The following PKP4 variants were observed in gnomAD, a reference collection of about 807,000 sequenced individuals.
PKP4 encodes plakophilin 4.
PKP4 carries 90 observed loss-of-function variants against 145.1 expected under a neutral mutation model. That is an observed-to-expected ratio of 0.62 (90% CI 0.52 to 0.74). The LOEUF (loss-of-function observed/expected upper bound fraction) is 0.74, where lower values mean the gene tolerates loss of function less well. Among genes scored for constraint, PKP4 ranks in the 30% least tolerant of loss-of-function variants. The probability of loss-of-function intolerance (pLI) is 0.00; values close to 1 mark genes in which losing one functional copy is unlikely to be tolerated. For synonymous variants in PKP4, 563 were observed against 577.2 expected, an observed-to-expected ratio of 0.98 and a Z score of 0.35; for missense variants, 1,340 against 1,482.7, an observed-to-expected ratio of 0.90 and a Z score of 1.58.
intron 1 of PKP4, among the ~76,000 whole-genome samples, chr2:158,512,460 A>C (rs955127566): frequency 2.6e-5 from 4 of 152,226 alleles, no homozygotes; most frequent in Non-Finnish European, 5.9e-5. Context: ...GGCATGTGCA[A>C]CATTCTCAGC....
chr2:158,663,480 A>G (rs1277624208), intron 15 of PKP4, 35 bp downstream of exon 15: 30 of 1,562,310 alleles, frequency 1.9e-5, no homozygotes, highest in Non-Finnish European at 2.5e-5. Flanking sequence ...ACTTCTTTCC[A>G]TCTTTGCAAA....
intron 7 of PKP4, among the ~76,000 whole-genome samples, chr2:158,630,471 CAA>C (rs1312965731): frequency 1.3e-5 from 2 of 152,010 alleles, no homozygotes; most frequent in African/African-American, 4.8e-5. Context: ...AAAGGAAAAA[CAA>C]TGATAAATAG....
At chr2:158,624,674 C>CAAA (rs999943180) in intron 6 of PKP4, among the ~76,000 whole-genome samples, 5 of 81,208 alleles carry the variant, frequency 6.2e-5, no homozygotes, top group Admixed American at 1.3e-4. Context: ...TTTAAACCAC[C>CAAA]AAAAAAAAAA....
At chr2:158,660,185 T>G (rs1330039171) in intron 12 of PKP4, 1 of 152,480 alleles carries the variant, frequency 6.6e-6, no homozygotes, top group Non-Finnish European at 1.5e-5. Flanking sequence ...CAGCTCAGAG[T>G]TTTGACAATG....
intron 1 of PKP4, among the ~76,000 whole-genome samples, chr2:158,476,697 C>A (rs1449434705): frequency 6.7e-6 from 1 of 149,402 alleles, no homozygotes; most frequent in Non-Finnish European, 1.5e-5. Flanking sequence ...TTTAGGCGAT[C>A]TCACTTTTAA....
chr2:158,500,134 T>C (rs983998736), intron 1 of PKP4, among the ~76,000 whole-genome samples: 1 of 152,238 alleles, frequency 6.6e-6, no homozygotes, highest in African/African-American at 2.4e-5. Flanking sequence ...TAATCTTGCA[T>C]ATTTGTTTCT....
intron 4 of PKP4, among the ~76,000 whole-genome samples, chr2:158,620,382 G>T (rs2052096599): frequency 6.6e-6 from 1 of 152,130 alleles, no homozygotes; most frequent in Non-Finnish European, 1.5e-5. Flanking sequence ...TGGAAGAGAT[G>T]AGTTTGGCTG....
At chr2:158,470,222 T>A (rs1477440843) in intron 1 of PKP4, among the ~76,000 whole-genome samples, 1 of 152,192 alleles carries the variant, frequency 6.6e-6, no homozygotes, top group Admixed American at 6.5e-5. Context: ...AATACTTTGT[T>A]TACAACCTTA....
intron 1 of PKP4, among the ~76,000 whole-genome samples, chr2:158,528,877 C>G (rs1018270576): frequency 1.3e-5 from 2 of 152,120 alleles, no homozygotes; most frequent in African/African-American, 2.4e-5. Flanking sequence ...CAGGTCCTGG[C>G]TTTCAGGTGG....
intron 1 of PKP4, among the ~76,000 whole-genome samples, chr2:158,513,929 GTC>G (rs1428924447): frequency 6.6e-6 from 1 of 152,134 alleles, no homozygotes; most frequent in Admixed American, 6.5e-5. Context: ...TTTGTAGTAA[GTC>G]TCATCTTCCC....
chr2:158,658,636 G>T (rs190726744), intron 12 of PKP4: 2 of 214,786 alleles, frequency 9.3e-6, no homozygotes, highest in East Asian at 2.2e-4. Context: ...TAATGTGTTT[G>T]CAGCCTGCTG....
At chr2:158,610,871 G>A (rs1436957799) in intron 4 of PKP4, among the ~76,000 whole-genome samples, 2 of 152,146 alleles carry the variant, frequency 1.3e-5, no homozygotes, top group African/African-American at 4.8e-5. Flanking sequence ...GTCTTACAGG[G>A]CTGGAATGTG....
chr2:158,456,996 G>T lies in PKP4; in HGVS notation c.-228G>T. 1 of 151,174 alleles carries T rather than the reference G, an allele frequency of 6.6e-6. No individual in the cohort carries two copies. Among genetic ancestry groups the T allele is most frequent in the South Asian group, 1.9e-4 (1 of 5,164 alleles). 9.4% of individuals were successfully genotyped at this position (151,174 alleles called of 1,614,324 possible). On this transcript the variant is annotated 5_prime_UTR_variant, in exon 1 of 22. Coordinates refer to ENST00000389759, the MANE Select transcript of PKP4 (RefSeq NM_003628.6). ...CTGAGTCCGCGTCGACGCCGGCCGC[G>T]GAGGCGGCACCATGGGCAAGGGGTA...
chr2:158,673,794 C>A (rs1027635240), intron 18 of PKP4, 33 bp downstream of exon 18: 3 of 1,482,226 alleles, frequency 2.0e-6, no homozygotes, highest in Admixed American at 3.3e-5. Context: ...GCATAATTAG[C>A]ATTCATCAGA....
At position 158,631,859 on chromosome 2, in the gene PKP4, T is replaced by A; in HGVS notation, c.1260T>A (p.Tyr420Ter). 6.2e-7 allele frequency: 1 copy of A among 1,614,154 alleles called. No homozygotes were observed. The highest frequency in any genetic ancestry group is 8.5e-7 in the Non-Finnish European group (1 of 1,179,986). Residue 420 changes from tyrosine (Y) to a stop codon, truncating the protein, a stop_gained, in exon 8 of 22, where the codon TAT (tyrosine) becomes TAA (stop). Transcript: ENST00000389759. LOFTEE classifies it high-confidence loss of function. Reference sequence around the variant, plus strand: ...CTCCTATATATGAGGGGAGGACCTATTACAGCCCAGTGTACCGCAGCCCAA... The same window carrying A: ...CTCCTATATATGAGGGGAGGACCTAATACAGCCCAGTGTACCGCAGCCCAA... The part of the protein sequence containing the change: ...HITPIYEGRT[Y>*]YSPVYRSPNH...
intron 2 of PKP4, among the ~76,000 whole-genome samples, chr2:158,543,440 G>A (rs994865633): frequency 1.3e-5 from 2 of 152,182 alleles, no homozygotes; most frequent in African/African-American, 2.4e-5. Flanking sequence ...ACAGCTGATG[G>A]TCTTATGTCG....
chr2:158,464,477 C>T (rs1463318617), intron 1 of PKP4, among the ~76,000 whole-genome samples: 1 of 152,038 alleles, frequency 6.6e-6, no homozygotes, highest in Non-Finnish European at 1.5e-5. Context: ...AAAAAAAATC[C>T]GTATAGAACT....
chr2:158,575,004 CTAAT>C (rs1349263396), intron 2 of PKP4, among the ~76,000 whole-genome samples: 20 of 152,134 alleles, frequency 1.3e-4, no homozygotes, highest in Admixed American at 1.3e-3. Context: ...ACTAACATGG[CTAAT>C]TAAGCAGAAA....
chr2:158,575,084 G>C (rs1347382713), intron 2 of PKP4, among the ~76,000 whole-genome samples: 1 of 152,208 alleles, frequency 6.6e-6, no homozygotes, highest in African/African-American at 2.4e-5. Context: ...AACAAGACTT[G>C]AGACTAAGAT....
Sources: gnomAD v4.1 joint callset for allele counts (sites outside exome capture counted in the v4.1 genomes callset) on GRCh38, gnomAD v4.1.1 for gene constraint, MANE v1.5 for transcripts, NCBI Gene and HGNC (gene_info 2026-07-23, HGNC 2026-07-21) for gene names.